CLASP1: variants seen among roughly 807,000 people sequenced by gnomAD.
The protein encoded by CLASP1 is cytoplasmic linker associated protein 1.
Under a neutral mutation model 192.3 loss-of-function variants are expected in CLASP1, and 38 were observed. That is an observed-to-expected ratio of 0.20 (90% CI 0.15 to 0.26). The LOEUF (loss-of-function observed/expected upper bound fraction) is 0.26. Ranked by LOEUF, CLASP1 falls within the 10% of genes least tolerant of loss-of-function variation. CLASP1 has a pLI of 1.00. For missense variants in CLASP1, 1,433 were observed against 1,932.5 expected (o/e 0.74, Z 4.85); for synonymous variants, 691 against 712.8 (o/e 0.97, Z 0.49).
At chr2:121,534,591 G>T (rs1031696512) in intron 2 of CLASP1, among the ~76,000 whole-genome samples, 1 of 152,068 alleles carries the variant, frequency 6.6e-6, no homozygotes, top group Non-Finnish European at 1.5e-5. Context: ...AGGCTGGAGT[G>T]CAATGGCACG....
intron 2 of CLASP1, among the ~76,000 whole-genome samples, chr2:121,582,746 C>A (rs1247116691): frequency 2.0e-5 from 3 of 151,796 alleles, no homozygotes; most frequent in African/African-American, 7.3e-5. Context: ...AATCCTTACA[C>A]CTTCAAAAGG....
intron 18 of CLASP1, among the ~76,000 whole-genome samples, chr2:121,447,714 A>C (rs764426171): frequency 1.3e-5 from 2 of 152,218 alleles, no homozygotes; most frequent in African/African-American, 2.4e-5. Context: ...CTCAATTGTA[A>C]TGTATCAATT....
At chr2:121,526,327 A>G (rs2094572866) in intron 5 of CLASP1, among the ~76,000 whole-genome samples, 1 of 152,248 alleles carries the variant, frequency 6.6e-6, no homozygotes. Context: ...AGAGCTAGAC[A>G]TTCAGGCAAC....
chr2:121,397,741 C>T (rs2075528799), intron 29 of CLASP1, among the ~76,000 whole-genome samples: 1 of 152,214 alleles, frequency 6.6e-6, no homozygotes, highest in Non-Finnish European at 1.5e-5. Context: ...CTAGCTTTGA[C>T]TTCAGGAGGA....
chr2:121,638,213 C>T (rs1440905135), intron 1 of CLASP1, among the ~76,000 whole-genome samples: 7 of 151,732 alleles, frequency 4.6e-5, no homozygotes, highest in African/African-American at 7.3e-5. Flanking sequence ...TGAAAAGATG[C>T]CTAACAACTT....
chr2:121,379,181 A>G (rs1285176558), intron 33 of CLASP1, among the ~76,000 whole-genome samples: 1 of 149,322 alleles, frequency 6.7e-6, no homozygotes, highest in Admixed American at 6.7e-5. Flanking sequence ...GATAAAACCC[A>G]CCTTTCCTGA....
chr2:121,619,390 G>A (rs2066963477), intron 1 of CLASP1, among the ~76,000 whole-genome samples: 1 of 152,130 alleles, frequency 6.6e-6, no homozygotes, highest in Non-Finnish European at 1.5e-5. Flanking sequence ...TCATAGTGGA[G>A]GGAAATCTAC....
At chr2:121,551,084 T>C (rs2057998912) in intron 2 of CLASP1, among the ~76,000 whole-genome samples, 1 of 152,230 alleles carries the variant, frequency 6.6e-6, no homozygotes. Flanking sequence ...TCAATAAATG[T>C]GATTCATCAT....
At chr2:121,404,135 T>A (rs1415062930) in intron 26 of CLASP1, among the ~76,000 whole-genome samples, 1 of 152,224 alleles carries the variant, frequency 6.6e-6, no homozygotes, top group African/African-American at 2.4e-5. Context: ...CATCTGATTC[T>A]CTCCCTGATA....
At chr2:121,472,657 C>T (rs1164483992) in intron 8 of CLASP1, among the ~76,000 whole-genome samples, 2 of 152,208 alleles carry the variant, frequency 1.3e-5, no homozygotes, top group Non-Finnish European at 2.9e-5. Context: ...AGAAAGAGGG[C>T]TACAGGAATG....
chr2:121,609,260 C>T (rs1188952850), intron 1 of CLASP1, among the ~76,000 whole-genome samples: 3 of 152,106 alleles, frequency 2.0e-5, no homozygotes, highest in Admixed American at 6.5e-5. Flanking sequence ...CATAAGAAAA[C>T]CTCCCCTTCA....
intron 35 of CLASP1, among the ~76,000 whole-genome samples, 167 bp downstream of exon 36, chr2:121,367,421 C>T (rs753904698): frequency 1.4e-4 from 22 of 152,288 alleles, no homozygotes; most frequent in Non-Finnish European, 2.4e-4. Flanking sequence ...CGTGCCCAAG[C>T]GCACAGTAGG....
chr2:121,526,191 G>A (rs1483556688), intron 5 of CLASP1, among the ~76,000 whole-genome samples: 1 of 152,184 alleles, frequency 6.6e-6, no homozygotes, highest in Admixed American at 6.5e-5. Flanking sequence ...TTTAAGGCTG[G>A]GCCAGAGCTC....
At chr2:121,591,326 C>T (rs1005942197) in intron 2 of CLASP1, among the ~76,000 whole-genome samples, 6 of 152,228 alleles carry the variant, frequency 3.9e-5, no homozygotes, top group Non-Finnish European at 8.8e-5. Context: ...TCATCCCAGT[C>T]CTTTATATAT....
chr2:121,491,723 G>A (rs1460116649), intron 8 of CLASP1, among the ~76,000 whole-genome samples: 3 of 152,126 alleles, frequency 2.0e-5, no homozygotes, highest in African/African-American at 4.8e-5. Context: ...AAAGGCCTTC[G>A]GGTAACCTAG....
At chr2:121,545,533 C>CGAAAA (rs2095312563) in intron 2 of CLASP1, among the ~76,000 whole-genome samples, 1 of 152,034 alleles carries the variant, frequency 6.6e-6, no homozygotes, top group Non-Finnish European at 1.5e-5. Context: ...GTGTCATTTT[C>CGAAAA]GTGCTGTAGA....
At chr2:121,449,954 A>C (rs895988553) in intron 16 of CLASP1, among the ~76,000 whole-genome samples, 1 of 152,170 alleles carries the variant, frequency 6.6e-6, no homozygotes, top group Non-Finnish European at 1.5e-5. Context: ...TCACAGATGC[A>C]ACACTGGCAG....
intron 22 of CLASP1, among the ~76,000 whole-genome samples, chr2:121,421,937 A>C (rs1356144460): frequency 6.6e-6 from 1 of 152,262 alleles, no homozygotes; most frequent in Non-Finnish European, 1.5e-5. Context: ...TGTCTCTTTA[A>C]GTGCCAAACT....
intron 35 of CLASP1, among the ~76,000 whole-genome samples, chr2:121,367,080 G>A (rs1194907230): frequency 8.5e-5 from 13 of 152,180 alleles, no homozygotes; most frequent in Non-Finnish European, 1.9e-4. Context: ...AATGCAGCAC[G>A]GAGGTCAACA....
Sources: allele counts gnomAD v4.1 joint callset (sites outside exome capture counted in the v4.1 genomes callset), GRCh38; gene constraint gnomAD v4.1.1; transcripts MANE v1.5; gene names NCBI Gene and HGNC (gene_info 2026-07-23, HGNC 2026-07-21).